SNW1: variants seen among roughly 807,000 people sequenced by gnomAD.
SNW1 encodes the protein SNW domain containing 1.
A neutral mutation model predicts 75.6 loss-of-function variants in SNW1; 9 were observed. That is an observed-to-expected ratio of 0.12 (90% CI 0.07 to 0.21). The LOEUF is 0.21. SNW1 is among the 10% of genes least tolerant of loss of function. The pLI is 1.00. For missense variants in SNW1, 409 were observed against 670.9 expected (o/e 0.61, Z 4.31); for synonymous variants, 200 against 219.1 (o/e 0.91, Z 0.77).
rs756062357 is a variant in SNW1, at chr14:77,718,029, T to G, written c.*59A>C. 1 of 1,434,376 alleles carries G rather than the reference T, an allele frequency of 7.0e-7. No individual in the cohort carries two copies. The highest frequency in any genetic ancestry group is 1.5e-5 in the South Asian group (1 of 67,970). 88.9% of individuals were successfully genotyped at this position (1,434,376 alleles called of 1,614,324 possible). On this transcript the variant is annotated 3_prime_UTR_variant, in exon 14 of 14. Transcript: ENST00000261531. The stretch of plus-strand genomic sequence containing the variant: ...TGACCATTTACAAAGTGTTCCCCCA[T>G]ATGACTTGCATCATTAGGGTTATGG...
chr14:77,734,198 AATT>A (rs2080651282), intron 8 of SNW1, among the ~76,000 whole-genome samples: 1 of 152,238 alleles, frequency 6.6e-6, no homozygotes, highest in African/African-American at 2.4e-5. Context: ...AAACTTTGGC[AATT>A]ATTAGAGATA....
rs545189040 is a variant in SNW1, at chr14:77,732,749, C to G, written c.775-148G>C. On this transcript the variant is annotated intron_variant, in intron 8 of 13. Transcript: ENST00000261531. ...GTGCCATCTCGGCTCACTGCAACCT[C>G]TGCCTCCTGGGTTCAAGCGAGTCTC... is the stretch of plus-strand genomic sequence containing the variant. 6 of 605,646 alleles carry G rather than the reference C, an allele frequency of 9.9e-6. No homozygotes were observed. The African/African-American group carries it at 1.1e-4, about 11-fold the overall frequency. The allele number at this position is 605,646 out of a possible 1,614,324, so 37.5% of individuals were successfully genotyped here.
At chr14:77,730,256 A>G (rs774003979) in intron 10 of SNW1, among the ~76,000 whole-genome samples, 2 of 152,162 alleles carry the variant, frequency 1.3e-5, no homozygotes, top group Non-Finnish European at 2.9e-5. Flanking sequence ...CACAGCAATT[A>G]TTACCTTTTA....
rs1220987845 is a variant in SNW1 at position 77,723,299 on chromosome 14, A to G, written c.1034-22T>C. ...TCCTCTGTGTGAACAGTTGAAAAGT[A>G]CTTCACTGTAATATGTATTATATGT... On this transcript the variant is annotated intron_variant, in intron 10 of 13. Transcript: ENST00000261531. The G allele has an allele frequency of 5.9e-6, 9 of 1,536,686 alleles. No individual in the cohort carries two copies. The South Asian group carries it at 8.9e-5, about 15-fold the overall frequency.
intron 3 of SNW1, among the ~76,000 whole-genome samples, chr14:77,739,411 T>C (rs559090507): frequency 1.9e-4 from 29 of 152,290 alleles, no homozygotes; most frequent in Middle Eastern, 6.8e-3. Flanking sequence ...TATAGCACCA[T>C]TAACCTGGAT....
chr14:77,749,798 G>C (rs1159470055), intron 3 of SNW1, among the ~76,000 whole-genome samples: 1 of 152,202 alleles, frequency 6.6e-6, no homozygotes, highest in Admixed American at 6.5e-5. Flanking sequence ...ATGCTAACAG[G>C]AAAGAGCCGT....
intron 3 of SNW1, among the ~76,000 whole-genome samples, chr14:77,747,274 C>T (rs573633056): frequency 6.6e-6 from 1 of 152,292 alleles, no homozygotes; most frequent in South Asian, 2.1e-4. Context: ...CTACAACCTC[C>T]ACCTCCCAGC....
intron 1 of SNW1, among the ~76,000 whole-genome samples, chr14:77,757,662 A>G (rs958961036): frequency 1.3e-5 from 2 of 152,158 alleles, no homozygotes; most frequent in Non-Finnish European, 2.9e-5. Flanking sequence ...TATTGCAATC[A>G]TCTACTCATT....
intron 3 of SNW1, among the ~76,000 whole-genome samples, chr14:77,750,679 A>C (rs569136389): frequency 1.2e-4 from 17 of 147,546 alleles, no homozygotes; most frequent in South Asian, 4.4e-4. Flanking sequence ...AAAAAAAAAA[A>C]CTAGGTCTTC....
chr14:77,754,348 G>A (rs1383224271), intron 2 of SNW1, among the ~76,000 whole-genome samples: 12 of 152,176 alleles, frequency 7.9e-5, no homozygotes, highest in Non-Finnish European at 8.8e-5. Flanking sequence ...CCGACCGGAA[G>A]CTTGTTATTT....
intron 3 of SNW1, among the ~76,000 whole-genome samples, chr14:77,747,601 C>CAGA (rs2080771621): frequency 6.7e-6 from 1 of 149,994 alleles, no homozygotes; most frequent in Non-Finnish European, 1.5e-5. Flanking sequence ...CGTCTCTGCC[C>CAGA]GGCCACCCCG....
In SNW1 at chr14:77,722,728, ATTAAG is replaced by A. The variant is rs538111255; in HGVS notation, c.1130+448_1130+452del. On this transcript the variant is annotated intron_variant, in intron 11 of 13. Transcript: ENST00000261531. ...GTACAAGAAAATTAAGTGCTAATTT[ATTAAG>A]TTATCAAACTAAAGAAGAAAGGGAG... The A allele has an allele frequency of 5.9e-4, 214 of 364,134 alleles. 3 individuals are homozygous for A. The highest frequency in any genetic ancestry group is 4.4e-3 in the South Asian group (207 of 46,716). 22.6% of individuals were successfully genotyped at this position (364,134 alleles called of 1,614,324 possible).
rs544215857 is a variant in SNW1, at chr14:77,755,546, G to C, written c.15-426C>G. ...TGATTTTCCTCCCTCAGCCTCCCAA[G>C]TAGCTGGGATTACAAGCATGCGCCA... is the stretch of plus-strand genomic sequence containing the variant. On this transcript the variant is annotated intron_variant, in intron 1 of 13. Coordinates refer to ENST00000261531, the MANE Select transcript of SNW1 (RefSeq NM_012245.3). 5.3e-5 allele frequency among the ~76,000 whole-genome samples: 8 copies of C among 152,074 alleles called. No individual in the cohort carries two copies. The East Asian group carries it at 1.5e-3, about 29-fold the overall frequency.
rs772385851 is a variant in SNW1 at position 77,723,202 on chromosome 14, G to T, written c.1109C>A (p.Ser370Tyr). 4.3e-6 allele frequency: 7 copies of T among 1,613,962 alleles called. No homozygotes were observed. Among genetic ancestry groups the T allele is most frequent in the Non-Finnish European group, 5.9e-6 (7 of 1,179,954 alleles). The change falls in exon 11 of 14, where the codon TCC becomes TAC. Residue 370 changes from serine (S) to tyrosine (Y), a missense_variant. By Grantham distance (144) the Ser-to-Tyr change is moderately radical. Transcript: ENST00000261531. ...CTACCTCTTATCAGGAGCTGCCCTG[G>T]AAAGATTCCGGTCATGCTGTCTCTC... The part of the protein sequence containing the change: ...RKERQHDRNL[S>Y]RAAPDKRSKL...
intron 9 of SNW1, among the ~76,000 whole-genome samples, chr14:77,732,103 G>A (rs918115629): frequency 2.6e-5 from 4 of 152,184 alleles, no homozygotes; most frequent in Non-Finnish European, 5.9e-5. Flanking sequence ...GCCATTTTAT[G>A]TACTATTCAA....
rs61742193 is a variant in SNW1 at position 77,731,124 on chromosome 14, A to C, written c.897T>G (p.Arg299=). The change falls in exon 10 of 14, where the codon CGT becomes CGG. Residue 299 remains arginine, a synonymous_variant. Transcript: ENST00000261531. ...CTTGGGCACGCATTTCCACAGCTTC[A>C]CGAGCCTGTTGGTAAAGTCACATGT... ...EALYIADRKA[R]EAVEMRAQVE... is the part of the protein sequence containing the mutation. 6.4e-4 allele frequency: 1,040 copies of C among 1,613,438 alleles called. 3 individuals carry two copies. The highest frequency in any genetic ancestry group is 5.3e-3 in the Middle Eastern group (32 of 6,062).
At chr14:77,760,338 T>A (rs1199956920) in intron 1 of SNW1, among the ~76,000 whole-genome samples, 2 of 152,190 alleles carry the variant, frequency 1.3e-5, no homozygotes, top group Non-Finnish European at 2.9e-5. Flanking sequence ...ATAACCTTCC[T>A]GAACACTAGC....
intron 3 of SNW1, among the ~76,000 whole-genome samples, chr14:77,750,674 A>G (rs552177884): frequency 0.054 from 8,237 of 152,244 alleles, 299 homozygotes; most frequent in Middle Eastern, 0.088. Flanking sequence ...CAAGAAAAAA[A>G]AAAAACTAGG....
intron 3 of SNW1, among the ~76,000 whole-genome samples, chr14:77,744,583 A>T (rs568555989): frequency 2.4e-4 from 37 of 152,236 alleles, no homozygotes; most frequent in African/African-American, 8.9e-4. Flanking sequence ...GAACAGTTCT[A>T]CTCTATTTTG....
Sources: gnomAD v4.1 joint callset for allele counts (sites outside exome capture counted in the v4.1 genomes callset) on GRCh38, gnomAD v4.1.1 for gene constraint, MANE v1.5 for transcripts, NCBI Gene and HGNC (gene_info 2026-07-23, HGNC 2026-07-21) for gene names.